Variants in BCAS3 observed in about 807,000 individuals in gnomAD.
BCAS3 encodes the protein BCAS3 microtubule associated cell migration factor.
Under a neutral mutation model 116.1 loss-of-function variants are expected in BCAS3, and 53 were observed. That is an observed-to-expected ratio of 0.46 (90% confidence interval 0.37 to 0.57). The LOEUF (loss-of-function observed/expected upper bound fraction) is 0.57, where lower values mean the gene tolerates loss of function less well. Ranked by LOEUF, BCAS3 falls within the 20% of genes least tolerant of loss-of-function variation. BCAS3 has a pLI of 0.00. For missense variants in BCAS3, 917 were observed against 1,165.4 expected (o/e 0.79, Z 3.10); for synonymous variants, 391 against 408.2 (o/e 0.96, Z 0.51).
At chr17:60,835,539 A>G (rs2051295794) in intron 7 of BCAS3, among the ~76,000 whole-genome samples, 1 of 152,068 alleles carries the variant, frequency 6.6e-6, no homozygotes, top group African/African-American at 2.4e-5. Context: ...TGTTAGAAAC[A>G]TTTCCACTGG....
intron 22 of BCAS3, among the ~76,000 whole-genome samples, chr17:61,272,932 C>T (rs1296402096): frequency 2.0e-5 from 3 of 151,954 alleles, no homozygotes; most frequent in Non-Finnish European, 4.4e-5. Flanking sequence ...TCTCCTATGC[C>T]CTCCTGTATC....
rs996208215 is a variant in BCAS3, at chr17:61,188,605, T to C, written c.2425+104041T>C. 1.3e-5 allele frequency among the ~76,000 whole-genome samples: 2 copies of C among 152,248 alleles called. No homozygotes were observed. Among genetic ancestry groups the C allele is most frequent in the Admixed American group, 1.3e-4 (2 of 15,290 alleles). The stretch of plus-strand genomic sequence containing the variant: ...TTTTTCTCTAAACCTTAGCAGTAGG[T>C]CTTAGCTTGTGCTAAGCATATAGAG... On this transcript the variant is annotated intron_variant, in intron 22 of 23. Coordinates refer to ENST00000407086, the MANE Select transcript of BCAS3 (RefSeq NM_017679.5). This position sits in a 1 kb window ranked among gnomAD's most constrained non-coding sequence, Gnocchi z 4.0.
intron 4 of BCAS3, among the ~76,000 whole-genome samples, chr17:60,694,178 G>A (rs1004522304): frequency 1.1e-4 from 16 of 147,374 alleles, no homozygotes; most frequent in East Asian, 1.1e-3. Flanking sequence ...GAGCCACCGC[G>A]CCCGGCCAAA....
Position 61,204,056 on chromosome 17 carries a change from T to G in BCAS3, c.2425+119492T>G, listed in dbSNP as rs1331288660. On this transcript the variant is annotated intron_variant, in intron 22 of 23. Transcript: ENST00000407086. This position sits in a 1 kb window ranked among gnomAD's most constrained non-coding sequence, Gnocchi z 4.2. Reference sequence around the variant, plus strand: ...AGCCGCCTGTGATTTACTAACTGTTTTACAAATGTTTCCTCGCTCTGGGAG... The same window carrying G: ...AGCCGCCTGTGATTTACTAACTGTTGTACAAATGTTTCCTCGCTCTGGGAG... 6.6e-6 allele frequency among the ~76,000 whole-genome samples: 1 copy of G among 152,172 alleles called. No individual in the cohort carries two copies. Among genetic ancestry groups the G allele is most frequent in the Admixed American group, 6.5e-5 (1 of 15,278 alleles).
At chr17:61,054,386 A>G (rs953870571) in intron 19 of BCAS3, among the ~76,000 whole-genome samples, 1 of 151,968 alleles carries the variant, frequency 6.6e-6, no homozygotes, top group Non-Finnish European at 1.5e-5. Flanking sequence ...CCAGGGGGAG[A>G]CAGGGTCTCA....
At chr17:61,030,728 G>A (rs1230898178) in intron 16 of BCAS3, among the ~76,000 whole-genome samples, 3 of 151,748 alleles carry the variant, frequency 2.0e-5, no homozygotes, top group African/African-American at 7.3e-5. Context: ...ACATTGATTC[G>A]TATCAGGCTT....
intron 13 of BCAS3, among the ~76,000 whole-genome samples, chr17:60,935,903 A>T (rs1336118730): frequency 3.3e-5 from 5 of 151,830 alleles, no homozygotes; most frequent in Admixed American, 1.3e-4. Context: ...CATGTGCACA[A>T]CATGCAGGTT....
rs1321643960 is a variant in BCAS3 at position 61,084,331 on chromosome 17, C to T, written c.2328-136C>T. On this transcript the variant is annotated intron_variant, in intron 21 of 23. Coordinates refer to ENST00000407086, the MANE Select transcript of BCAS3 (RefSeq NM_017679.5). The surrounding 1 kb of genome is among the most constrained non-coding windows in gnomAD (Gnocchi z 5.5). The stretch of plus-strand genomic sequence containing the variant: ...TGCAGCAATTAGGGACTGCAGCTCC[C>T]CTGTTTGTCTTGTTTTAGAATGGAT... 1 of 641,400 alleles carries T rather than the reference C, an allele frequency of 1.6e-6. No homozygotes were observed. Among genetic ancestry groups the T allele is most frequent in the Non-Finnish European group, 2.6e-6 (1 of 379,656 alleles). 39.7% of individuals were successfully genotyped at this position (641,400 alleles called of 1,614,324 possible). A position where few individuals can be genotyped will look rare whatever the true frequency, so the allele number is the denominator to read the frequency against.
chr17:61,042,912 AAAAGAAAG>A (rs1167730606), intron 19 of BCAS3, among the ~76,000 whole-genome samples: 1 of 143,704 alleles, frequency 7.0e-6, no homozygotes, highest in Non-Finnish European at 1.5e-5. Flanking sequence ...AAAAAAAAAA[AAAAGAAAG>A]AAAGAAAGAT....
intron 5 of BCAS3, among the ~76,000 whole-genome samples, chr17:60,710,758 A>C (rs921151318): frequency 2.0e-5 from 3 of 148,502 alleles, no homozygotes; most frequent in Admixed American, 6.7e-5. Flanking sequence ...AAAAATGTTT[A>C]TTTTTTGATA....
At chr17:60,694,288 G>A (rs1299174582) in intron 4 of BCAS3, among the ~76,000 whole-genome samples, 1 of 151,768 alleles carries the variant, frequency 6.6e-6, no homozygotes, top group Non-Finnish European at 1.5e-5. Context: ...AGATCACAAG[G>A]TCAAGAGATC....
Position 61,128,613 on chromosome 17 carries a change from G to C in BCAS3, c.2425+44049G>C. 1 of 983,626 alleles carries C rather than the reference G, an allele frequency of 1.0e-6. No individual in the cohort carries two copies. Among genetic ancestry groups the C allele is most frequent in the Non-Finnish European group, 1.2e-6 (1 of 828,388 alleles). The allele number at this position is 983,626 out of a possible 1,614,324, so 60.9% of individuals were successfully genotyped here. The stretch of plus-strand genomic sequence containing the variant: ...AAAAGTATGGAGAGAGAGAAAGCAA[G>C]TAACCCAGCAGAGTTTGTGACAGAA... On this transcript the variant is annotated intron_variant, in intron 22 of 23. Coordinates refer to ENST00000407086, the MANE Select transcript of BCAS3 (RefSeq NM_017679.5). This position sits in a 1 kb window ranked among gnomAD's most constrained non-coding sequence, Gnocchi z 4.1.
Position 61,333,625 on chromosome 17 carries a change from CTT to C in BCAS3, c.2426-34690_2426-34689del, listed in dbSNP as rs66627370. Among the ~76,000 whole-genome samples, 11 of 142,498 alleles carry C rather than the reference CTT, an allele frequency of 7.7e-5. No individual in the cohort carries two copies. The highest frequency in any genetic ancestry group is 1.4e-4 in the Admixed American group (2 of 14,252). 93.5% of individuals were successfully genotyped at this position (142,498 alleles called of 152,430 possible). On this transcript the variant is annotated intron_variant, in intron 22 of 23. Transcript: ENST00000407086. This position sits in a 1 kb window ranked among gnomAD's most constrained non-coding sequence, Gnocchi z 4.8. ...AGTTCTTGAAACTTTCTTTTTTTTT[CTT>C]TTTTTTTTTTTGAGACAGAGTCTCG... is the stretch of plus-strand genomic sequence containing the variant.
intron 22 of BCAS3, among the ~76,000 whole-genome samples, chr17:61,291,060 G>A (rs1478443537): frequency 6.6e-6 from 1 of 152,148 alleles, no homozygotes; most frequent in African/African-American, 2.4e-5. Context: ...GATTACAGAC[G>A]TGAGCCACCG....
intron 6 of BCAS3, among the ~76,000 whole-genome samples, chr17:60,797,475 A>G (rs2047318303): frequency 1.3e-5 from 2 of 151,972 alleles, no homozygotes; most frequent in South Asian, 4.1e-4. Context: ...CGGCCTCCTG[A>G]GTAGCTGGGA....
chr17:61,045,871 A>AAAG (rs2068046376), intron 19 of BCAS3, among the ~76,000 whole-genome samples: 2 of 45,274 alleles, frequency 4.4e-5, no homozygotes, highest in Non-Finnish European at 6.6e-5. Flanking sequence ...ATATAAATAT[A>AAAG]TATAAATATA....
chr17:60,680,601 G>A (rs2032916854), intron 2 of BCAS3, among the ~76,000 whole-genome samples: 1 of 151,868 alleles, frequency 6.6e-6, no homozygotes, highest in South Asian at 2.1e-4. Flanking sequence ...ACTTACTAGA[G>A]TGAGTTTATA....
chr17:60,925,108 A>G (rs1429733974), intron 13 of BCAS3, among the ~76,000 whole-genome samples: 4 of 150,888 alleles, frequency 2.7e-5, no homozygotes, highest in Non-Finnish European at 6.0e-5. Flanking sequence ...AAAGATAAAG[A>G]CAGAGTCTCA....
rs772900751 is a variant in BCAS3, at chr17:60,754,680, TACACACACACAC to T, written c.403+7451_403+7462del. On this transcript the variant is annotated intron_variant, in intron 6 of 23. Transcript: ENST00000407086. ...AGAAATGCAGATGTAAAATTTAAAA[TACACACACACAC>T]ACACACACACACACACACACACACA... Among the ~76,000 whole-genome samples, 854 of 145,446 alleles carry T rather than the reference TACACACACACAC, an allele frequency of 5.9e-3. 9 individuals carry two copies. The highest frequency in any genetic ancestry group is 0.022 in the African/African-American group (798 of 36,904).
Sources: gnomAD v4.1 joint callset for allele counts (sites outside exome capture counted in the v4.1 genomes callset) on GRCh38, gnomAD v4.1.1 for gene constraint, Gnocchi (gnomAD v3.1) non-coding constraint, MANE v1.5 for transcripts, NCBI Gene and HGNC (gene_info 2026-07-23, HGNC 2026-07-21) for gene names.